Variants in MRAP2 observed in about 807,000 individuals in gnomAD.
MRAP2 encodes melanocortin 2 receptor accessory protein 2, also known as melanocortin-2 receptor accessory protein 2.
A neutral mutation model predicts 17.4 loss-of-function variants in MRAP2; 20 were observed. The observed-to-expected ratio is 1.15, with a 90% CI of 0.81 to 1.67. The LOEUF is 1.67. MRAP2 is among the 40% of genes most tolerant of loss of function. The probability of loss-of-function intolerance (pLI) is 0.00; values close to 1 mark genes in which losing one functional copy is unlikely to be tolerated. For missense variants in MRAP2, 238 were observed against 240.0 expected (o/e 0.99, Z 0.05); for synonymous variants, 96 against 88.4 (o/e 1.09, Z -0.48).
At chr6:84,058,354 G>T (rs1411942356) in intron 2 of MRAP2, among the ~76,000 whole-genome samples, 1 of 152,216 alleles carries the variant, frequency 6.6e-6, no homozygotes, top group Admixed American at 6.5e-5. Flanking sequence ...TTTGTCAATG[G>T]ATTGGCGGTA....
At chr6:84,099,387 T>C in the MRAP2 span, among the ~76,000 whole-genome samples, 1 of 152,150 alleles carries the variant, frequency 6.6e-6, no homozygotes, top group African/African-American at 2.4e-5. Context: ...ACACTTCTTG[T>C]TTATTATAGC....
At chr6:84,053,150 G>A (rs1474746487) in intron 1 of MRAP2, among the ~76,000 whole-genome samples, 1 of 152,134 alleles carries the variant, frequency 6.6e-6, no homozygotes, top group Non-Finnish European at 1.5e-5. Context: ...ACAGCTCTCG[G>A]TTCTGTGGTG....
At chr6:84,050,812 G>A (rs996784910) in intron 1 of MRAP2, among the ~76,000 whole-genome samples, 1 of 152,166 alleles carries the variant, frequency 6.6e-6, no homozygotes, top group African/African-American at 2.4e-5. Flanking sequence ...TGAAGAGGAA[G>A]GTGAGAGAGT....
At chr6:84,077,805 C>T (rs966340154) in intron 3 of MRAP2, among the ~76,000 whole-genome samples, 2 of 152,000 alleles carry the variant, frequency 1.3e-5, no homozygotes, top group South Asian at 2.1e-4. Context: ...ATGAGATTAC[C>T]TCATCTCAAT....
intron 3 of MRAP2, among the ~76,000 whole-genome samples, chr6:84,073,898 T>TC (rs1239364103): frequency 1.9e-3 from 288 of 151,642 alleles, no homozygotes; most frequent in African/African-American, 6.7e-3. Context: ...GTTTTTTTTT[T>TC]TTTTTCTCAT....
chr6:84,133,244 G>A, the MRAP2 span, among the ~76,000 whole-genome samples: 9 of 152,208 alleles, frequency 5.9e-5, no homozygotes, highest in South Asian at 2.1e-4. Context: ...AGGGGCACCC[G>A]GCTGTATGAG....
intron 3 of MRAP2, among the ~76,000 whole-genome samples, chr6:84,087,984 C>G (rs1236807205): frequency 6.6e-6 from 1 of 152,048 alleles, no homozygotes; most frequent in African/African-American, 2.4e-5. Flanking sequence ...TTTTCCAGAC[C>G]TGTGTTTTTT....
At chr6:84,117,804 G>T in the MRAP2 span, among the ~76,000 whole-genome samples, 1 of 152,102 alleles carries the variant, frequency 6.6e-6, no homozygotes. Context: ...GGAGGTATCA[G>T]CAGTGAAGGC....
intron 3 of MRAP2, among the ~76,000 whole-genome samples, chr6:84,078,350 TAAAC>T (rs1369259572): frequency 6.6e-6 from 1 of 152,174 alleles, no homozygotes; most frequent in Non-Finnish European, 1.5e-5. Flanking sequence ...CAAAAGAAGA[TAAAC>T]CAATAGCCAA....
the MRAP2 span, among the ~76,000 whole-genome samples, chr6:84,126,201 G>GATCA: frequency 6.6e-6 from 1 of 151,986 alleles, no homozygotes; most frequent in Non-Finnish European, 1.5e-5. Context: ...TCAAGCACTT[G>GATCA]AGATATAAAG....
the MRAP2 span, among the ~76,000 whole-genome samples, chr6:84,134,919 TACACACACACACACACACAC>T: frequency 2.0e-5 from 3 of 148,256 alleles, no homozygotes; most frequent in Admixed American, 6.7e-5. Flanking sequence ...AGATCATATA[TACACACACACACACACACAC>T]ACACACACAC....
intron 3 of MRAP2, among the ~76,000 whole-genome samples, chr6:84,068,315 AGTAT>A (rs1170752872): frequency 9.8e-5 from 15 of 152,308 alleles, no homozygotes; most frequent in South Asian, 2.1e-4. Flanking sequence ...GAAACCAGAT[AGTAT>A]GATCCCTCCA....
chr6:84,115,005 C>T, the MRAP2 span, among the ~76,000 whole-genome samples: 1 of 152,212 alleles, frequency 6.6e-6, no homozygotes, highest in African/African-American at 2.4e-5. Flanking sequence ...TATGAGGTGT[C>T]TGTTGACCCC....
rs1333829551 is a variant in MRAP2 at position 84,089,529 on chromosome 6, T to A, written c.*48T>A. ...TTCCTGAAGATGTGGATTCTATCTTTATGTAGCAAGAAATCTACATCCACC... is the reference window on the plus strand; with the variant it reads ...TTCCTGAAGATGTGGATTCTATCTTAATGTAGCAAGAAATCTACATCCACC... On this transcript the variant is annotated 3_prime_UTR_variant, in exon 4 of 4. Transcript: ENST00000257776. 4.5e-6 allele frequency: 7 copies of A among 1,557,808 alleles called. No individual in the cohort carries two copies. The South Asian group carries it at 8.6e-5, about 19-fold the overall frequency.
chr6:84,033,701 T>C (rs1351984388), upstream of MRAP2: 2 of 985,060 alleles, frequency 2.0e-6, no homozygotes, highest in African/African-American at 3.5e-5. Flanking sequence ...GCAGCCCTGC[T>C]CCGGCGCCCC....
the MRAP2 span, among the ~76,000 whole-genome samples, chr6:84,133,306 T>G: frequency 2.0e-5 from 3 of 152,206 alleles, no homozygotes; most frequent in Non-Finnish European, 4.4e-5. Flanking sequence ...TACTCAAGTG[T>G]CAGGGACCCA....
chr6:84,063,967 C>T (rs1411559284), intron 3 of MRAP2, among the ~76,000 whole-genome samples: 2 of 151,834 alleles, frequency 1.3e-5, no homozygotes, highest in Non-Finnish European at 2.9e-5. Flanking sequence ...ATCACTTGAA[C>T]CTGGGAGGTG....
chr6:84,093,115 T>A (rs549803118), downstream of MRAP2, among the ~76,000 whole-genome samples: 110 of 152,186 alleles, frequency 7.2e-4, no homozygotes, highest in African/African-American at 2.6e-3. Context: ...ATTTTGGGAG[T>A]CTGATAGCCT....
Position 84,089,208 on chromosome 6 carries a change from C to T in MRAP2, c.345C>T (p.Leu115=), listed in dbSNP as rs780230169. The change falls in exon 4 of 4, where the codon CTC becomes CTT. Residue 115 remains leucine, a synonymous_variant. Coordinates refer to ENST00000257776, the MANE Select transcript of MRAP2 (RefSeq NM_138409.4). ...AAGGCAACGAGGAGTCCAGGTCTCTCTTTCACTGCTACATCAATGAGGTGG... is the reference window on the plus strand; with the variant it reads ...AAGGCAACGAGGAGTCCAGGTCTCTTTTTCACTGCTACATCAATGAGGTGG... ...SRQGNEESRS[L]FHCYINEVER... 3 of 1,614,212 alleles carry T rather than the reference C, an allele frequency of 1.9e-6. No homozygotes were observed. In the South Asian group the frequency reaches 3.3e-5, roughly 18 times the overall value.
Sources: allele counts gnomAD v4.1 joint callset (sites outside exome capture counted in the v4.1 genomes callset), GRCh38; gene constraint gnomAD v4.1.1; transcripts MANE v1.5; gene names NCBI Gene and HGNC (gene_info 2026-07-23, HGNC 2026-07-21).